Variants in GPR139 observed in about 807,000 individuals in gnomAD.
GPR139 encodes the protein probable G protein-coupled receptor 139.
GPR139 carries 12 observed loss-of-function variants against 25.8 expected under a neutral mutation model. The observed-to-expected ratio is 0.47, with a 90% confidence interval of 0.30 to 0.75. GPR139 has a LOEUF of 0.75. Ranked by LOEUF, GPR139 falls within the 30% of genes least tolerant of loss-of-function variation. The pLI, the probability that GPR139 is intolerant of heterozygous loss-of-function variation, is 0.07. For missense variants in GPR139, 380 were observed against 450.2 expected, an observed-to-expected ratio of 0.84 and a Z score of 1.41; for synonymous variants, 184 against 179.9, an observed-to-expected ratio of 1.02 and a Z score of -0.18.
chr16:20,068,236 C>CAAA (rs10534277), intron 1 of GPR139, among the ~76,000 whole-genome samples: 23 of 108,996 alleles, frequency 2.1e-4, no homozygotes, highest in African/African-American at 3.7e-4. Flanking sequence ...CTATTTAATG[C>CAAA]AAAAAAAAAA....
chr16:20,062,585 C>A, intron 1 of GPR139, among the ~76,000 whole-genome samples: 1 of 152,180 alleles, frequency 6.6e-6, no homozygotes. Context: ...AGACACCCAC[C>A]AACTTTGTGA....
intron 1 of GPR139, among the ~76,000 whole-genome samples, chr16:20,061,094 A>G (rs988234945): frequency 1.3e-5 from 2 of 151,896 alleles, no homozygotes; most frequent in African/African-American, 4.8e-5. Context: ...TTGTGTGTAA[A>G]TGCCACAAGG....
intron 1 of GPR139, among the ~76,000 whole-genome samples, chr16:20,046,295 C>T (rs2057354182): frequency 6.6e-6 from 1 of 152,202 alleles, no homozygotes; most frequent in Admixed American, 6.5e-5. Context: ...GAATCAGGCA[C>T]TGTTCCAGAC....
intron 1 of GPR139, among the ~76,000 whole-genome samples, chr16:20,039,201 C>G (rs2057321789): frequency 6.6e-6 from 1 of 152,168 alleles, no homozygotes; most frequent in African/African-American, 2.4e-5. Context: ...TTACTGTGCT[C>G]AAGCTTGGGA....
Position 20,073,074 on chromosome 16 carries a change from G to C in GPR139, c.127+416C>G, listed in dbSNP as rs1406506850. On this transcript the variant is annotated intron_variant, in intron 1 of 1. Transcript: ENST00000570682. This position sits in a 1 kb window ranked among gnomAD's most constrained non-coding sequence, Gnocchi z 4.7. ...GCCCCAAGTGGGGTGGACGTGCAGG[G>C]GCCACGGGAGAAGGGAAGCCTCCAC... 6.6e-6 allele frequency among the ~76,000 whole-genome samples: 1 copy of C among 152,126 alleles called. No homozygotes were observed. The highest frequency in any genetic ancestry group is 6.5e-5 in the Admixed American group (1 of 15,276).
intron 1 of GPR139, among the ~76,000 whole-genome samples, chr16:20,060,430 T>C (rs1457023156): frequency 6.6e-6 from 1 of 151,994 alleles, no homozygotes; most frequent in Non-Finnish European, 1.5e-5. Flanking sequence ...TCTGCATGTG[T>C]GTCTGTGTGG....
At chr16:20,055,163 C>A (rs899386255) in intron 1 of GPR139, among the ~76,000 whole-genome samples, 3 of 152,158 alleles carry the variant, frequency 2.0e-5, no homozygotes, top group Non-Finnish European at 4.4e-5. Flanking sequence ...AATGTGTTCT[C>A]ATAATTTAGC....
At chr16:20,061,042 G>T (rs556617666) in intron 1 of GPR139, among the ~76,000 whole-genome samples, 1 of 136,728 alleles carries the variant, frequency 7.3e-6, no homozygotes, top group East Asian at 2.2e-4. Flanking sequence ...TTGGGTTTCT[G>T]ATCATGCTAG....
intron 1 of GPR139, among the ~76,000 whole-genome samples, chr16:20,048,334 TCAA>T (rs956438558): frequency 2.6e-5 from 4 of 152,122 alleles, no homozygotes; most frequent in Admixed American, 2.6e-4. Context: ...CCAATTCAGT[TCAA>T]CATAAATTTA....
chr16:20,030,577 T>C lies in GPR139; in HGVS notation c.*1158A>G, dbSNP rs981418409. Among the ~76,000 whole-genome samples the C allele has an allele frequency of 5.6e-5, 5 of 88,610 alleles. No homozygotes were observed. The highest frequency in any genetic ancestry group is 2.4e-4 in the African/African-American group (5 of 21,078). 58.1% of individuals were successfully genotyped at this position (88,610 alleles called of 152,430 possible). Reference sequence around the variant, plus strand: ...CATTTTACAAAGGATCTGGGTTAAATAGCTTTACCAAGAACTGGCACCCCC... The same window carrying C: ...CATTTTACAAAGGATCTGGGTTAAACAGCTTTACCAAGAACTGGCACCCCC... On this transcript the variant is annotated 3_prime_UTR_variant, in exon 2 of 2. Transcript: ENST00000570682.
intron 1 of GPR139, among the ~76,000 whole-genome samples, chr16:20,041,128 A>C (rs12708627): frequency 5.8e-5 from 2 of 34,612 alleles, no homozygotes; most frequent in Non-Finnish European, 4.9e-5. Flanking sequence ...AAGGAAAGGA[A>C]AGGAGAGGAG....
chr16:20,073,470 C>G lies in GPR139; in HGVS notation c.127+20G>C. 6.2e-7 allele frequency: 1 copy of G among 1,608,032 alleles called. No individual in the cohort carries two copies. Among genetic ancestry groups the G allele is most frequent in the Non-Finnish European group, 8.5e-7 (1 of 1,177,534 alleles). On this transcript the variant is annotated intron_variant, in intron 1 of 1. Coordinates refer to ENST00000570682, the MANE Select transcript of GPR139 (RefSeq NM_001002911.4). The surrounding 1 kb of genome is among the most constrained non-coding windows in gnomAD (Gnocchi z 4.7). Reference sequence around the variant, plus strand: ...CACTTGGGGTTCCTGGCTTCCCTCCCTCTCCCCCACGCCCCTCACCTGGTA... The same window carrying G: ...CACTTGGGGTTCCTGGCTTCCCTCCGTCTCCCCCACGCCCCTCACCTGGTA...
At position 20,057,189 on chromosome 16, in the gene GPR139, G is replaced by A. The variant is rs539433788; in HGVS notation, c.127+16301C>T. Among the ~76,000 whole-genome samples the A allele has an allele frequency of 4.1e-4, 63 of 152,290 alleles. 1 individual carries two copies. The highest frequency in any genetic ancestry group is 6.8e-3 in the Middle Eastern group (2 of 294). Reference sequence around the variant, plus strand: ...GAACATAAGCAGTGACGTGCAGGCCGGTCGCATCTCAGCTCTGCTGCTCAC... The same window carrying A: ...GAACATAAGCAGTGACGTGCAGGCCAGTCGCATCTCAGCTCTGCTGCTCAC... On this transcript the variant is annotated intron_variant, in intron 1 of 1. Transcript: ENST00000570682.
intron 1 of GPR139, among the ~76,000 whole-genome samples, chr16:20,048,681 TC>T (rs1567237361): frequency 1.3e-5 from 2 of 152,154 alleles, no homozygotes; most frequent in Non-Finnish European, 2.9e-5. Flanking sequence ...GGTCAGGTCT[TC>T]CAGTGTTTCA....
intron 1 of GPR139, among the ~76,000 whole-genome samples, chr16:20,055,465 C>G (rs1438552868): frequency 6.6e-6 from 1 of 152,202 alleles, no homozygotes; most frequent in Admixed American, 6.5e-5. Flanking sequence ...TCCCACACAA[C>G]TGTTCTACCA....
chr16:20,064,232 T>C (rs1049943936), intron 1 of GPR139, among the ~76,000 whole-genome samples: 1 of 152,092 alleles, frequency 6.6e-6, no homozygotes, highest in Non-Finnish European at 1.5e-5. Context: ...TTTCATAAAA[T>C]GGGGATGTTT....
At position 20,054,837 on chromosome 16, in the gene GPR139, C is replaced by T. The variant is rs545444422; in HGVS notation, c.127+18653G>A. On this transcript the variant is annotated intron_variant, in intron 1 of 1. Coordinates refer to ENST00000570682, the MANE Select transcript of GPR139 (RefSeq NM_001002911.4). ...CGACCTCCCAGGTTCCAGTGATTCTCGTGCCTCTGCTTCCCAAGTAGCTGG... is the reference window on the plus strand; with the variant it reads ...CGACCTCCCAGGTTCCAGTGATTCTTGTGCCTCTGCTTCCCAAGTAGCTGG... 2.6e-5 allele frequency among the ~76,000 whole-genome samples: 4 copies of T among 152,248 alleles called. No individual in the cohort carries two copies. In the South Asian group the frequency reaches 6.2e-4, roughly 24 times the overall value.
At chr16:20,055,786 C>T (rs987970879) in intron 1 of GPR139, among the ~76,000 whole-genome samples, 8 of 152,206 alleles carry the variant, frequency 5.3e-5, no homozygotes, top group Non-Finnish European at 1.0e-4. Context: ...CACCTCTTGC[C>T]GCTGTTCAGC....
chr16:20,040,170 G>A (rs1366798834), intron 1 of GPR139, among the ~76,000 whole-genome samples: 1 of 152,148 alleles, frequency 6.6e-6, no homozygotes, highest in South Asian at 2.1e-4. Flanking sequence ...CTCCCAAGTG[G>A]GTGTAGTCCC....
Sources: allele counts gnomAD v4.1 joint callset (sites outside exome capture counted in the v4.1 genomes callset), GRCh38; gene constraint gnomAD v4.1.1; non-coding constraint Gnocchi (gnomAD v3.1); transcripts MANE v1.5; gene names NCBI Gene and HGNC (gene_info 2026-07-23, HGNC 2026-07-21).